CCDC25: variants seen among roughly 807,000 people sequenced by gnomAD.
CCDC25 encodes the protein coiled-coil domain-containing protein 25.
CCDC25 carries 16 observed loss-of-function variants against 35.3 expected under a neutral mutation model. The observed-to-expected ratio is 0.45, with a 90% CI of 0.31 to 0.69. CCDC25 has a LOEUF of 0.69. Among genes scored for constraint, CCDC25 ranks in the 30% least tolerant of loss-of-function variants. CCDC25 has a pLI of 0.06. For synonymous variants in CCDC25, 79 were observed against 80.3 expected (o/e 0.98, Z 0.09); for missense variants, 179 against 250.7 (o/e 0.71, Z 1.93).
Position 27,736,164 on chromosome 8 carries a change from CAA to C in CCDC25, c.*50_*51del. On this transcript the variant is annotated 3_prime_UTR_variant, in exon 9 of 9. Coordinates refer to ENST00000356537, the MANE Select transcript of CCDC25 (RefSeq NM_018246.3). Reference sequence around the variant, plus strand: ...AACACAGATGAAACCAAAAGGTCTGCAATTGTCTCTACATTCACATCTTTCAA... The same window carrying C: ...AACACAGATGAAACCAAAAGGTCTGCTTGTCTCTACATTCACATCTTTCAA... 6.4e-7 allele frequency: 1 copy of C among 1,573,020 alleles called. No homozygotes were observed. Among genetic ancestry groups the C allele is most frequent in the Non-Finnish European group, 8.6e-7 (1 of 1,156,262 alleles).
At chr8:27,738,628 T>C (rs1306865399) in intron 8 of CCDC25, among the ~76,000 whole-genome samples, 1 of 147,964 alleles carries the variant, frequency 6.8e-6, no homozygotes, top group African/African-American at 2.5e-5. Context: ...GTGTGTGTAT[T>C]TGTTTATTTC....
chr8:27,750,169 G>C (rs575578288), intron 5 of CCDC25, among the ~76,000 whole-genome samples: 1 of 152,150 alleles, frequency 6.6e-6, no homozygotes, highest in Non-Finnish European at 1.5e-5. Flanking sequence ...AAAGCTACAG[G>C]AAACTGCTAA....
intron 5 of CCDC25, among the ~76,000 whole-genome samples, chr8:27,751,724 AC>A (rs1340853563): frequency 6.6e-6 from 1 of 152,074 alleles, no homozygotes; most frequent in African/African-American, 2.4e-5. Context: ...GCAGAGCACC[AC>A]CTCCTGGTTT....
intron 3 of CCDC25, among the ~76,000 whole-genome samples, chr8:27,761,358 GA>G (rs1157084484): frequency 5.9e-5 from 9 of 152,172 alleles, no homozygotes; most frequent in Admixed American, 5.2e-4. Context: ...AGACAGAGCA[GA>G]CCCAGTCAGT....
Position 27,770,334 on chromosome 8 carries a change from C to T in CCDC25, c.28+2179G>A, listed in dbSNP as rs181450566. Reference sequence around the variant, plus strand: ...GCTGGTCCCTGTAATCCTAGCTGTACCAGAATCGCTTGAACCCAGGAGATG... The same window carrying T: ...GCTGGTCCCTGTAATCCTAGCTGTATCAGAATCGCTTGAACCCAGGAGATG... On this transcript the variant is annotated intron_variant, in intron 1 of 8. Coordinates refer to ENST00000356537, the MANE Select transcript of CCDC25 (RefSeq NM_018246.3). 2.2e-3 allele frequency among the ~76,000 whole-genome samples: 332 copies of T among 151,566 alleles called. 2 individuals carry two copies. The highest frequency in any genetic ancestry group is 7.9e-3 in the African/African-American group (324 of 41,264).
intron 1 of CCDC25, among the ~76,000 whole-genome samples, chr8:27,767,829 C>T (rs572660391): frequency 7.9e-4 from 118 of 149,460 alleles, no homozygotes; most frequent in Admixed American, 3.3e-3. Flanking sequence ...AACTTACAAA[C>T]GTTTCAGGAA....
At chr8:27,759,833 G>A (rs1435559314) in intron 3 of CCDC25, among the ~76,000 whole-genome samples, 1 of 148,100 alleles carries the variant, frequency 6.8e-6, no homozygotes, top group Non-Finnish European at 1.5e-5. Context: ...TGATTCCTAG[G>A]AAAACCCTTT....
At chr8:27,744,624 A>G (rs1803547014) in intron 7 of CCDC25, among the ~76,000 whole-genome samples, 1 of 152,236 alleles carries the variant, frequency 6.6e-6, no homozygotes, top group African/African-American at 2.4e-5. Context: ...AAGGCTCTTT[A>G]TCACTTACAA....
At chr8:27,764,822 A>G (rs1490668941) in intron 2 of CCDC25, among the ~76,000 whole-genome samples, 3 of 152,204 alleles carry the variant, frequency 2.0e-5, no homozygotes, top group African/African-American at 7.2e-5. Context: ...GACAGCATTT[A>G]CTATTCATGT....
intron 3 of CCDC25, among the ~76,000 whole-genome samples, chr8:27,759,383 G>A (rs1383776217): frequency 6.6e-6 from 1 of 152,126 alleles, no homozygotes; most frequent in Non-Finnish European, 1.5e-5. Flanking sequence ...GAGGTGGGTG[G>A]ATCACTTCAG....
intron 7 of CCDC25, 27 bp from the exon 8 acceptor site, chr8:27,740,544 A>T: frequency 6.3e-7 from 1 of 1,589,058 alleles, no homozygotes; most frequent in South Asian, 1.1e-5. Context: ...ACACACACAC[A>T]TTTAAAATAT....
At chr8:27,770,376 G>A (rs950199821) in intron 1 of CCDC25, among the ~76,000 whole-genome samples, 3 of 152,160 alleles carry the variant, frequency 2.0e-5, no homozygotes, top group Non-Finnish European at 4.4e-5. Context: ...GCAGTAAGCT[G>A]AGATCGTGCC....
Position 27,735,651 on chromosome 8 carries a change from T to C in CCDC25, c.*565A>G, listed in dbSNP as rs1803194578. On this transcript the variant is annotated 3_prime_UTR_variant, in exon 9 of 9. Transcript: ENST00000356537. Reference sequence around the variant, plus strand: ...CAAGGACGTAAACGCTGGGACAGACTGCACTGAGGGTCACTACACTAACAG... The same window carrying C: ...CAAGGACGTAAACGCTGGGACAGACCGCACTGAGGGTCACTACACTAACAG... The C allele has an allele frequency of 6.6e-6, 1 of 152,472 alleles. No individual in the cohort carries two copies. 9.4% of individuals were successfully genotyped at this position (152,472 alleles called of 1,614,324 possible).
chr8:27,768,673 A>G lies in CCDC25; in HGVS notation c.29-3422T>C, dbSNP rs904232327. On this transcript the variant is annotated intron_variant, in intron 1 of 8. Transcript: ENST00000356537. The stretch of plus-strand genomic sequence containing the variant: ...ATGTTAAGAAGGAAAAGTAAACTGA[A>G]TTATTCTAGTTCATTTGTTATTCTC... 1.8e-4 allele frequency among the ~76,000 whole-genome samples: 28 copies of G among 152,282 alleles called. No individual in the cohort carries two copies. The East Asian group carries it at 1.9e-3, about 10-fold the overall frequency.
At chr8:27,746,128 G>A (rs576464012) in intron 7 of CCDC25, among the ~76,000 whole-genome samples, 1 of 152,204 alleles carries the variant, frequency 6.6e-6, no homozygotes, top group African/African-American at 2.4e-5. Flanking sequence ...TTTGAATTAT[G>A]ACATCTATAA....
At chr8:27,740,761 C>T (rs1198531520) in intron 7 of CCDC25, among the ~76,000 whole-genome samples, 1 of 152,218 alleles carries the variant, frequency 6.6e-6, no homozygotes, top group African/African-American at 2.4e-5. Context: ...TGTTTCATGT[C>T]ACCACCTCCA....
Position 27,748,331 on chromosome 8 carries a change from CAGAAGAGGGATGAGGCTTTCCAGGGGTTT to C in CCDC25, c.349-81_349-53del, listed in dbSNP as rs763525980. 9.1e-6 allele frequency: 14 copies of C among 1,542,038 alleles called. No individual in the cohort carries two copies. The African/African-American group carries it at 1.6e-4, about 18-fold the overall frequency. On this transcript the variant is annotated intron_variant, in intron 6 of 8. Transcript: ENST00000356537. ...TTGCATCTTTTTGTTTTTTTTCTCC[CAGAAGAGGGATGAGGCTTTCCAGGGGTTT>C]AGCAACCCAGTTTAATTCCCTTTAG...
chr8:27,752,406 T>C (rs910245415), intron 5 of CCDC25, 106 bp downstream of exon 5: 67 of 831,738 alleles, frequency 8.1e-5, no homozygotes, highest in Non-Finnish European at 1.2e-4. Context: ...GCACATGTTA[T>C]TCTTTGATGG....
chr8:27,750,364 T>C (rs917842066), intron 5 of CCDC25, among the ~76,000 whole-genome samples: 4 of 152,196 alleles, frequency 2.6e-5, no homozygotes, highest in Non-Finnish European at 4.4e-5. Context: ...TTAAGATCAG[T>C]TTCCTCCTCT....
Sources: allele counts gnomAD v4.1 joint callset (sites outside exome capture counted in the v4.1 genomes callset), GRCh38; gene constraint gnomAD v4.1.1; transcripts MANE v1.5; gene names NCBI Gene and HGNC (gene_info 2026-07-23, HGNC 2026-07-21).